Variants in PRMT2 observed in about 807,000 individuals in gnomAD.
PRMT2 encodes the protein protein arginine N-methyltransferase 2.
PRMT2 carries 26 observed loss-of-function variants against 57.6 expected under a neutral mutation model. That is an observed-to-expected ratio of 0.45 (90% CI 0.33 to 0.63). The LOEUF (loss-of-function observed/expected upper bound fraction) is 0.63, where lower values mean the gene tolerates loss of function less well. Ranked by LOEUF, PRMT2 falls within the 20% of genes least tolerant of loss-of-function variation. The pLI is 0.02. For synonymous variants in PRMT2, 219 were observed against 220.0 expected (o/e 1.00, Z 0.04); for missense variants, 472 against 564.4 (o/e 0.84, Z 1.66).
At chr21:46,651,650 C>A (rs1258575277) in intron 7 of PRMT2, among the ~76,000 whole-genome samples, 4 of 152,166 alleles carry the variant, frequency 2.6e-5, no homozygotes, top group African/African-American at 9.7e-5. Context: ...ACCATCATTA[C>A]TCAGGCCAAG....
chr21:46,646,237 G>T (rs1209626314), intron 5 of PRMT2, among the ~76,000 whole-genome samples: 1 of 152,138 alleles, frequency 6.6e-6, no homozygotes, highest in African/African-American at 2.4e-5. Context: ...ACTTTTTATT[G>T]CACTTTTTCG....
At chr21:46,650,646 A>G (rs116056736) in intron 7 of PRMT2, among the ~76,000 whole-genome samples, 1,770 of 152,308 alleles carry the variant, frequency 0.012, 28 homozygotes, top group African/African-American at 0.041. Context: ...CGCCCATTCA[A>G]TAAGTATCTG....
intron 8 of PRMT2, chr21:46,660,197 T>C (rs1375128144): frequency 1.0e-6 from 1 of 977,006 alleles, no homozygotes; most frequent in East Asian, 1.1e-4. Context: ...TGGTAAATAA[T>C]CGGTGACTTA....
At chr21:46,641,831 C>T (rs2061281824) in intron 3 of PRMT2, among the ~76,000 whole-genome samples, 1 of 151,594 alleles carries the variant, frequency 6.6e-6, no homozygotes, top group South Asian at 2.1e-4. Context: ...GTAAGGGTTG[C>T]CTGGGCTGGG....
intron 5 of PRMT2, among the ~76,000 whole-genome samples, chr21:46,646,488 G>A (rs1309976093): frequency 6.6e-6 from 1 of 152,150 alleles, no homozygotes; most frequent in Non-Finnish European, 1.5e-5. Context: ...CCACCACTCA[G>A]GTCTTCACCT....
Position 46,644,625 on chromosome 21 carries a change from G to A in PRMT2, c.327+137G>A, listed in dbSNP as rs80198074. The A allele has an allele frequency of 2.3e-3, 1,903 of 817,796 alleles. 15 individuals are homozygous for A. The African/African-American group carries it at 0.027, about 12-fold the overall frequency. The allele number at this position is 817,796 out of a possible 1,614,324, so 50.7% of individuals were successfully genotyped here. On this transcript the variant is annotated intron_variant, in intron 5 of 11. Transcript: ENST00000355680. ...TGTTGTAGCCACTCAGCTCTGACAT[G>A]GTTGTGTGGAAGCCACTGTGGATGA...
intron 7 of PRMT2, chr21:46,652,458 G>A (rs1490538888): frequency 2.9e-6 from 3 of 1,040,880 alleles, no homozygotes; most frequent in East Asian, 1.7e-4. Flanking sequence ...AGGTGAGCAG[G>A]GACTAGAAAG....
rs28855463 is a variant in PRMT2, at chr21:46,655,327, A to G, written c.655-3418A>G. On this transcript the variant is annotated intron_variant, in intron 7 of 11. Transcript: ENST00000355680. ...CTCAAGAAAACATTAGCAAATTTAA[A>G]CCAGCAGGATATAAAAGGAATAATA... Among the ~76,000 whole-genome samples, 1,078 of 152,294 alleles carry G rather than the reference A, an allele frequency of 7.1e-3. 13 individuals are homozygous for G. Among genetic ancestry groups the G allele is most frequent in the African/African-American group, 0.025 (1,030 of 41,570 alleles).
intron 10 of PRMT2, among the ~76,000 whole-genome samples, chr21:46,662,938 T>G: frequency 6.6e-6 from 1 of 152,106 alleles, no homozygotes; most frequent in East Asian, 1.9e-4. Context: ...CTCTGCAGCT[T>G]AGGCAAGGGT....
At chr21:46,662,107 T>A (rs114416646) in intron 10 of PRMT2, among the ~76,000 whole-genome samples, 171 bp downstream of exon 10, 14 of 150,480 alleles carry the variant, frequency 9.3e-5, no homozygotes, top group South Asian at 4.2e-4. Flanking sequence ...GGGGCACGGG[T>A]GGTGTAGACA....
chr21:46,649,206 C>T lies in PRMT2; in HGVS notation c.490-369C>T, dbSNP rs112577027. Among the ~76,000 whole-genome samples, 124 of 152,326 alleles carry T rather than the reference C, an allele frequency of 8.1e-4. No individual in the cohort carries two copies. The highest frequency in any genetic ancestry group is 3.4e-3 in the Middle Eastern group (1 of 294). On this transcript the variant is annotated intron_variant, in intron 6 of 11. Transcript: ENST00000355680. The surrounding 1 kb of genome is among the most constrained non-coding windows in gnomAD (Gnocchi z 4.8). ...CCTGAGAACCTGGGTTTGAAATTGTCTGACAGGCCTCAGATGTGGCACAGA... is the reference window on the plus strand; with the variant it reads ...CCTGAGAACCTGGGTTTGAAATTGTTTGACAGGCCTCAGATGTGGCACAGA...
At position 46,660,070 on chromosome 21, in the gene PRMT2, T is replaced by C. The variant is rs985474736; in HGVS notation, c.831-763T>C. 4.1e-6 allele frequency: 4 copies of C among 977,740 alleles called. No individual in the cohort carries two copies. In the African/African-American group the frequency reaches 7.0e-5, roughly 17 times the overall value. The allele number at this position is 977,740 out of a possible 1,614,324, so 60.6% of individuals were successfully genotyped here. ...TGTCCATAGTTTCCAATTTTTAAAT[T>C]TGTAATTTTTTATCAGAAAAATAAA... On this transcript the variant is annotated intron_variant, in intron 8 of 11. Coordinates refer to ENST00000355680, the MANE Select transcript of PRMT2 (RefSeq NM_206962.4).
At chr21:46,653,611 C>T (rs911256336) in intron 7 of PRMT2, 2 of 1,163,074 alleles carry the variant, frequency 1.7e-6, no homozygotes, top group African/African-American at 3.3e-5. Context: ...GGCCCCTTTG[C>T]TTGATGTTCA....
At chr21:46,661,286 TAC>T (rs1250098374) in intron 9 of PRMT2, 1 of 198,504 alleles carries the variant, frequency 5.0e-6, no homozygotes, top group African/African-American at 2.3e-5. Flanking sequence ...GTATTTGCAT[TAC>T]AGTTTTTTTC....
At position 46,659,602 on chromosome 21, in the gene PRMT2, C is replaced by G. The variant is rs186076892; in HGVS notation, c.830+682C>G. On this transcript the variant is annotated intron_variant, in intron 8 of 11. Coordinates refer to ENST00000355680, the MANE Select transcript of PRMT2 (RefSeq NM_206962.4). ...GTTAAAATGCGAATTAAAATACATG[C>G]TGTTTTCCCTACCAGACAAGCAAAG... The G allele has an allele frequency of 1.0e-5, 10 of 974,736 alleles. No homozygotes were observed. The Admixed American group carries it at 5.5e-4, about 54-fold the overall frequency. The allele number at this position is 974,736 out of a possible 1,614,324, so 60.4% of individuals were successfully genotyped here. A position where few individuals can be genotyped will look rare whatever the true frequency, so the allele number is the denominator to read the frequency against.
intron 7 of PRMT2, 136 bp from the exon 8 acceptor site, chr21:46,658,609 C>T (rs1286476342): frequency 4.1e-6 from 6 of 1,452,718 alleles, no homozygotes; most frequent in Non-Finnish European, 5.5e-6. Context: ...TTGCATGGTA[C>T]ACTGGCCTAG....
intron 7 of PRMT2, chr21:46,656,965 G>A (rs2061549768): frequency 1.3e-5 from 2 of 152,086 alleles, no homozygotes. Flanking sequence ...AAACTCAACA[G>A]GAAGAAAACA....
chr21:46,660,923 G>A lies in PRMT2; in HGVS notation c.921G>A (p.Leu307=). The A allele has an allele frequency of 6.2e-7, 1 of 1,613,204 alleles. No homozygotes were observed. Among genetic ancestry groups the A allele is most frequent in the South Asian group, 1.1e-5 (1 of 91,034 alleles). Residue 307 remains leucine, a synonymous_variant, in exon 9 of 12, where the codon TTG becomes TTA. Coordinates refer to ENST00000355680, the MANE Select transcript of PRMT2 (RefSeq NM_206962.4). ...EDCLSEPCTI[L]QLDMRTVQIS... ...GTCTCTCTGAACCGTGCACTATATT[G>A]CAGTTGGACATGAGAACCGTGCAAA... is the stretch of plus-strand genomic sequence containing the variant.
intron 7 of PRMT2, chr21:46,653,455 G>T (rs1306922981): frequency 1.0e-6 from 1 of 1,000,042 alleles, no homozygotes; most frequent in Non-Finnish European, 1.2e-6. Context: ...AAATGTATTT[G>T]CTTTATTTAC....
Sources: allele counts gnomAD v4.1 joint callset (sites outside exome capture counted in the v4.1 genomes callset), GRCh38; gene constraint gnomAD v4.1.1; non-coding constraint Gnocchi (gnomAD v3.1); transcripts MANE v1.5; gene names NCBI Gene and HGNC (gene_info 2026-07-23, HGNC 2026-07-21).